The following KLF8 variants were observed in gnomAD, a reference collection of about 807,000 sequenced individuals.
KLF8 encodes the protein Krueppel-like factor 8.
Under a neutral mutation model 18.2 loss-of-function variants are expected in KLF8, and 10 were observed. That is an observed-to-expected ratio of 0.55 (90% confidence interval 0.34 to 0.93). The LOEUF is 0.93. Ranked by LOEUF, KLF8 falls within the 40% of genes least tolerant of loss-of-function variation. The pLI is 0.02. For missense variants in KLF8, 264 were observed against 277.9 expected, an observed-to-expected ratio of 0.95 and a Z score of 0.36; for synonymous variants, 109 against 97.3, an observed-to-expected ratio of 1.12 and a Z score of -0.71.
At chrX:55,963,380 A>G in the KLF8 span, among the ~76,000 whole-genome samples, 1 of 111,403 alleles carries the variant, frequency 9.0e-6, no homozygotes, top group Non-Finnish European at 1.9e-5. Flanking sequence ...CTCATTTCAC[A>G]TCATGAGTTA....
At chrX:56,002,655 GA>G in the KLF8 span, among the ~76,000 whole-genome samples, 1 of 112,146 alleles carries the variant, frequency 8.9e-6, no homozygotes, top group Non-Finnish European at 1.9e-5. Flanking sequence ...TTTGCTGAAT[GA>G]ATGGATGAGT....
chrX:56,183,512 T>A, the KLF8 span, among the ~76,000 whole-genome samples: 1 of 111,184 alleles, frequency 9.0e-6, no homozygotes, highest in Middle Eastern at 4.2e-3. Context: ...TGTACCACAG[T>A]TGGAAATGCA....
chrX:56,079,553 T>C, the KLF8 span, among the ~76,000 whole-genome samples: 2 of 111,698 alleles, frequency 1.8e-5, no homozygotes, highest in Non-Finnish European at 3.8e-5. Flanking sequence ...AGGAGAGCTT[T>C]ACTTCCCAGT....
At chrX:56,051,173 A>T in the KLF8 span, among the ~76,000 whole-genome samples, 31 of 111,193 alleles carry the variant, frequency 2.8e-4, no homozygotes, top group Non-Finnish European at 4.9e-4. Flanking sequence ...TCTGTACGTG[A>T]GATGGGTTTC....
chrX:56,097,662 TC>T, the KLF8 span, among the ~76,000 whole-genome samples: 1 of 46,885 alleles, frequency 2.1e-5, no homozygotes, highest in South Asian at 1.9e-3. Flanking sequence ...ATGCTATCCC[TC>T]CCCCTCCCCC....
At chrX:56,143,452 G>A in the KLF8 span, among the ~76,000 whole-genome samples, 1 of 112,053 alleles carries the variant, frequency 8.9e-6, no homozygotes, top group Non-Finnish European at 1.9e-5. Flanking sequence ...GTAACACAAG[G>A]ACAGGGATTT....
chrX:56,001,939 A>T, the KLF8 span, among the ~76,000 whole-genome samples: 2 of 112,327 alleles, frequency 1.8e-5, no homozygotes, highest in African/African-American at 6.5e-5. Context: ...CCCTTTAAAC[A>T]GAATCTTTTT....
At chrX:56,196,253 G>A in the KLF8 span, among the ~76,000 whole-genome samples, 2 of 111,008 alleles carry the variant, frequency 1.8e-5, no homozygotes, top group East Asian at 5.7e-4. Flanking sequence ...AATGTAAATG[G>A]GCTAAATGCC....
the KLF8 span, among the ~76,000 whole-genome samples, chrX:56,129,036 T>A: frequency 3.6e-5 from 4 of 111,673 alleles, no homozygotes; most frequent in Non-Finnish European, 7.5e-5. Flanking sequence ...TGGGGTGGGG[T>A]AAATGGAGTG....
the KLF8 span, among the ~76,000 whole-genome samples, chrX:55,957,543 A>T: frequency 1.8e-5 from 2 of 111,633 alleles, no homozygotes; most frequent in Non-Finnish European, 3.8e-5. Flanking sequence ...GTTTCCATTT[A>T]TTTGTGTTTT....
chrX:56,044,524 G>A, the KLF8 span, among the ~76,000 whole-genome samples: 2 of 112,368 alleles, frequency 1.8e-5, no homozygotes, highest in African/African-American at 6.5e-5. Context: ...GCCCTGCAGG[G>A]AGGTCCCACC....
chrX:56,155,413 C>A, the KLF8 span, among the ~76,000 whole-genome samples: 2 of 110,663 alleles, frequency 1.8e-5, no homozygotes, highest in Non-Finnish European at 3.8e-5. Flanking sequence ...AATGAGAACA[C>A]TTGGACACAG....
chrX:56,024,332 G>C, the KLF8 span, among the ~76,000 whole-genome samples: 1 of 109,302 alleles, frequency 9.1e-6, no homozygotes, highest in East Asian at 2.9e-4. Flanking sequence ...CTCAGCTTCC[G>C]AAATAGCTGG....
At chrX:56,177,714 G>A in the KLF8 span, among the ~76,000 whole-genome samples, 1 of 111,578 alleles carries the variant, frequency 9.0e-6, no homozygotes, top group Admixed American at 9.5e-5. Context: ...AGTCTACAGA[G>A]GCAGGCAGGC....
chrX:56,106,770 C>T, the KLF8 span, among the ~76,000 whole-genome samples: 1 of 112,204 alleles, frequency 8.9e-6, no homozygotes, highest in East Asian at 2.8e-4. Flanking sequence ...CAAGGAGCTG[C>T]AATCCTTTGG....
chrX:55,977,974 T>A, the KLF8 span, among the ~76,000 whole-genome samples: 1 of 110,605 alleles, frequency 9.0e-6, no homozygotes, highest in African/African-American at 3.3e-5. Context: ...TGTCCTTCCA[T>A]GGTAGAAGGC....
At chrX:56,079,821 T>C in the KLF8 span, among the ~76,000 whole-genome samples, 2 of 111,336 alleles carry the variant, frequency 1.8e-5, no homozygotes, top group Admixed American at 1.9e-4. Context: ...GCTTTATGAA[T>C]CTCGGTGCTC....
chrX:55,912,387 T>C, the KLF8 span, among the ~76,000 whole-genome samples: 1 of 111,392 alleles, frequency 9.0e-6, no homozygotes, highest in African/African-American at 3.3e-5. Flanking sequence ...GGAATATGCC[T>C]GTTCCCATCC....
At chrX:55,910,564 G>A in the KLF8 span, among the ~76,000 whole-genome samples, 1 of 111,790 alleles carries the variant, frequency 8.9e-6, no homozygotes, top group Admixed American at 9.5e-5. Flanking sequence ...TCACTGGAGT[G>A]GACAAGAGGA....
Sources: allele counts gnomAD v4.1 joint callset (sites outside exome capture counted in the v4.1 genomes callset), GRCh38; gene constraint gnomAD v4.1.1; transcripts MANE v1.5; gene names NCBI Gene and HGNC (gene_info 2026-07-23, HGNC 2026-07-21).